GRIN2A: variants seen among roughly 807,000 people sequenced by gnomAD.
GRIN2A encodes glutamate ionotropic receptor NMDA type subunit 2A.
GRIN2A carries 22 observed loss-of-function variants against 113.4 expected under a neutral mutation model. The observed-to-expected ratio is 0.19, with a 90% CI of 0.14 to 0.28. GRIN2A has a LOEUF of 0.28. Ranked by LOEUF, GRIN2A falls within the 10% of genes least tolerant of loss-of-function variation. The pLI is 1.00. For missense variants in GRIN2A, 1,502 were observed against 1,887.0 expected, an observed-to-expected ratio of 0.80 and a Z score of 3.78; for synonymous variants, 827 against 738.4, an observed-to-expected ratio of 1.12 and a Z score of -1.94.
intron 2 of GRIN2A, among the ~76,000 whole-genome samples, chr16:10,090,672 A>G (rs77917818): frequency 1.2e-4 from 18 of 152,354 alleles, no homozygotes; most frequent in African/African-American, 4.3e-4. Context: ...TACTAGACAT[A>G]AATGAAAAAA....
intron 4 of GRIN2A, among the ~76,000 whole-genome samples, chr16:9,855,107 C>G (rs1346468259): frequency 3.3e-5 from 5 of 152,054 alleles, no homozygotes; most frequent in African/African-American, 1.2e-4. Context: ...GAACCCCTCT[C>G]TTCTCTCCTT....
At chr16:9,957,656 G>T (rs143323262) in intron 2 of GRIN2A, among the ~76,000 whole-genome samples, 1 of 152,276 alleles carries the variant, frequency 6.6e-6, no homozygotes, top group East Asian at 1.9e-4. Flanking sequence ...ATCATAATTA[G>T]CAATAGGGCC....
chr16:9,754,402 A>G lies in GRIN2A; in HGVS notation c.*8747T>C, dbSNP rs149882531. On this transcript the variant is annotated 3_prime_UTR_variant, in exon 13 of 13. Coordinates refer to ENST00000330684, the MANE Select transcript of GRIN2A (RefSeq NM_001134407.3). The stretch of plus-strand genomic sequence containing the variant: ...GCAGTTTTCTGAATTTTCTATGAAA[A>G]TGTTATTCTTGAACTTATATCTTAA... The G allele has an allele frequency of 9.5e-6, 2 of 210,214 alleles. No individual in the cohort carries two copies. The highest frequency in any genetic ancestry group is 1.4e-4 in the East Asian group (2 of 14,002). 13.0% of individuals were successfully genotyped at this position (210,214 alleles called of 1,614,324 possible).
chr16:10,099,712 T>C (rs746790703), intron 2 of GRIN2A, among the ~76,000 whole-genome samples: 4 of 152,230 alleles, frequency 2.6e-5, no homozygotes, highest in Non-Finnish European at 5.9e-5. Flanking sequence ...AAAGGCTAGA[T>C]TCAAATGCTA....
intron 7 of GRIN2A, among the ~76,000 whole-genome samples, chr16:9,839,754 TCAAGA>T (rs147349267): frequency 0.013 from 2,049 of 152,278 alleles, 60 homozygotes; most frequent in African/African-American, 0.048. Context: ...TTCTACAGAG[TCAAGA>T]CCAGTATCTG....
intron 10 of GRIN2A, among the ~76,000 whole-genome samples, chr16:9,804,903 C>T (rs2041935371): frequency 6.6e-6 from 1 of 152,218 alleles, no homozygotes; most frequent in South Asian, 2.1e-4. Flanking sequence ...ATAAGACCTC[C>T]TCTCTGTAAA....
intron 3 of GRIN2A, among the ~76,000 whole-genome samples, chr16:9,912,262 T>C (rs963075881): frequency 2.0e-5 from 3 of 152,024 alleles, no homozygotes; most frequent in East Asian, 1.9e-4. Context: ...TGGTGTGATG[T>C]TGATAGCAAT....
At chr16:9,802,579 G>C (rs1465451733) in intron 10 of GRIN2A, among the ~76,000 whole-genome samples, 1 of 152,084 alleles carries the variant, frequency 6.6e-6, no homozygotes, top group African/African-American at 2.4e-5. Flanking sequence ...CCTCACAACT[G>C]TCCAGTAGCA....
At chr16:10,036,618 T>G (rs1202885908) in intron 2 of GRIN2A, among the ~76,000 whole-genome samples, 2 of 151,750 alleles carry the variant, frequency 1.3e-5, no homozygotes, top group Non-Finnish European at 2.9e-5. Context: ...TTTTTTTTTT[T>G]TGTATTTTTA....
chr16:10,147,374 C>T lies in GRIN2A; in HGVS notation c.414+32624G>A, dbSNP rs534664125. Among the ~76,000 whole-genome samples, 11 of 146,878 alleles carry T rather than the reference C, an allele frequency of 7.5e-5. No individual in the cohort carries two copies. In the Middle Eastern group the frequency reaches 0.011, roughly 149 times the overall value. ...CTGTAATCCCAGCACTTTGGGAGGC[C>T]GAGGTAAGCAGATCATTTGAGCTCA... On this transcript the variant is annotated intron_variant, in intron 2 of 12. Transcript: ENST00000330684.
At chr16:9,798,768 G>A (rs1180423871) in intron 10 of GRIN2A, among the ~76,000 whole-genome samples, 5 of 152,218 alleles carry the variant, frequency 3.3e-5, no homozygotes, top group African/African-American at 9.6e-5. Flanking sequence ...CCCAGTGGTG[G>A]AGGACAGTGC....
intron 2 of GRIN2A, among the ~76,000 whole-genome samples, chr16:10,078,835 C>T (rs886339829): frequency 2.6e-5 from 4 of 152,202 alleles, no homozygotes; most frequent in Admixed American, 1.3e-4. Flanking sequence ...TGGCAGATCC[C>T]GGAAAGGGAG....
At chr16:9,946,346 G>A (rs940082296) in intron 2 of GRIN2A, among the ~76,000 whole-genome samples, 2 of 152,176 alleles carry the variant, frequency 1.3e-5, no homozygotes, top group African/African-American at 4.8e-5. Context: ...AAAGCCAGAG[G>A]GAAATCCTAC....
At chr16:10,127,240 A>T (rs975944385) in intron 2 of GRIN2A, among the ~76,000 whole-genome samples, 1 of 149,992 alleles carries the variant, frequency 6.7e-6, no homozygotes, top group Non-Finnish European at 1.5e-5. Context: ...AAAAAAAAAA[A>T]TCCACCTGCC....
At chr16:9,806,306 G>A (rs1244739451) in intron 10 of GRIN2A, among the ~76,000 whole-genome samples, 1 of 152,022 alleles carries the variant, frequency 6.6e-6, no homozygotes, top group East Asian at 1.9e-4. Flanking sequence ...TTTCTCCTGG[G>A]TCAAAATTGT....
rs376857000 is a variant in GRIN2A at position 9,757,954 on chromosome 16, T to G, written c.*5195A>C. 52 of 222,682 alleles carry G rather than the reference T, an allele frequency of 2.3e-4. No individual in the cohort carries two copies. Among genetic ancestry groups the G allele is most frequent in the Non-Finnish European group, 3.7e-4 (41 of 111,270 alleles). The allele number at this position is 222,682 out of a possible 1,614,324, so 13.8% of individuals were successfully genotyped here. ...CTTATTCCAGAGCTACTCAGGAGTT[T>G]CCCCTTGAAAGAAACCTAGAAATAA... On this transcript the variant is annotated 3_prime_UTR_variant, in exon 13 of 13. Transcript: ENST00000330684.
At chr16:9,901,732 T>G (rs2141518967) in intron 3 of GRIN2A, among the ~76,000 whole-genome samples, 1 of 152,326 alleles carries the variant, frequency 6.6e-6, no homozygotes, top group South Asian at 2.1e-4. Flanking sequence ...ATTACAGGCA[T>G]GAGCCACCAC....
chr16:10,122,702 A>C (rs1431017722), intron 2 of GRIN2A, among the ~76,000 whole-genome samples: 1 of 152,210 alleles, frequency 6.6e-6, no homozygotes. Flanking sequence ...GCAAAGAAAC[A>C]TGAAAAGGGT....
At chr16:10,157,011 C>T (rs548413186) in intron 2 of GRIN2A, among the ~76,000 whole-genome samples, 3 of 152,122 alleles carry the variant, frequency 2.0e-5, no homozygotes, top group Non-Finnish European at 4.4e-5. Flanking sequence ...TTCTTGGATG[C>T]CTGGCTAAGG....
Sources: gnomAD v4.1 joint callset for allele counts (sites outside exome capture counted in the v4.1 genomes callset) on GRCh38, gnomAD v4.1.1 for gene constraint, MANE v1.5 for transcripts, NCBI Gene and HGNC (gene_info 2026-07-23, HGNC 2026-07-21) for gene names.